The following CHST8 variants were observed in gnomAD, a reference collection of about 807,000 sequenced individuals.
CHST8 encodes GALNAC-4-ST1.
In CHST8, 10 loss-of-function variants were observed where a neutral mutation model predicts 15.0. The observed-to-expected ratio is 0.67, with a 90% CI of 0.41 to 1.13. The LOEUF (loss-of-function observed/expected upper bound fraction) is 1.13. Among genes scored for constraint, CHST8 ranks in the 50% most tolerant of loss-of-function variants. CHST8 has a pLI of 0.00. For missense variants in CHST8, 634 were observed against 608.2 expected, an observed-to-expected ratio of 1.04 and a Z score of -0.45; for synonymous variants, 259 against 256.6, an observed-to-expected ratio of 1.01 and a Z score of -0.09.
chr19:33,692,783 G>A (rs554038485), intron 3 of CHST8, among the ~76,000 whole-genome samples: 1 of 152,036 alleles, frequency 6.6e-6, no homozygotes, highest in African/African-American at 2.4e-5. Context: ...TGAATTTTAC[G>A]AGCTGCTTTC....
chr19:33,626,436 C>A (rs1972054384), intron 1 of CHST8, among the ~76,000 whole-genome samples: 3 of 151,962 alleles, frequency 2.0e-5, no homozygotes, highest in Non-Finnish European at 4.4e-5. Flanking sequence ...AGTATCTGTG[C>A]AATAATTTGG....
rs55789565 is a variant in CHST8 at position 33,639,840 on chromosome 19, ATT to A, written c.-164+17560_-164+17561del. On this transcript the variant is annotated intron_variant, in intron 1 of 4. Transcript: ENST00000650847. ...TAGGGACAATGGAGAAGCAAATCAA[ATT>A]TTTTTTTTTTTTTTTGAGACAGAGT... Among the ~76,000 whole-genome samples, 134 of 138,078 alleles carry A rather than the reference ATT, an allele frequency of 9.7e-4. 1 individual carries two copies. Among genetic ancestry groups the A allele is most frequent in the Admixed American group, 1.9e-3 (27 of 13,988 alleles). The allele number at this position is 138,078 out of a possible 152,430, so 90.6% of individuals were successfully genotyped here.
chr19:33,742,369 G>A (rs1016268622), intron 3 of CHST8, among the ~76,000 whole-genome samples: 2 of 152,158 alleles, frequency 1.3e-5, no homozygotes, highest in African/African-American at 4.8e-5. Context: ...ACCAACATCT[G>A]CTCAGCCTCA....
At chr19:33,765,796 C>T (rs1274127705) in intron 3 of CHST8, among the ~76,000 whole-genome samples, 1 of 151,930 alleles carries the variant, frequency 6.6e-6, no homozygotes, top group East Asian at 1.9e-4. Context: ...CTTGTGGTCT[C>T]GCGATCCACC....
At position 33,772,544 on chromosome 19, in the gene CHST8, C is replaced by CA. The variant is rs1975017442; in HGVS notation, c.758dup (p.Met254AspfsTer20). The CA allele has an allele frequency of 6.2e-7, 1 of 1,614,076 alleles. No individual in the cohort carries two copies. The highest frequency in any genetic ancestry group is 1.6e-4 in the Middle Eastern group (1 of 6,062). ...TCTTGCACCGTCTCAGCACCTACAC[C>CA]AAGATGCTCTTTGTCCGCGAGCCCT... On this transcript the variant is annotated frameshift_variant, in exon 5 of 5. Coordinates refer to ENST00000650847, the MANE Select transcript of CHST8 (RefSeq NM_001127895.2). LOFTEE classifies it high-confidence loss of function.
At chr19:33,690,249 C>T (rs751337230) in intron 3 of CHST8, among the ~76,000 whole-genome samples, 23 of 152,160 alleles carry the variant, frequency 1.5e-4, no homozygotes, top group Non-Finnish European at 3.1e-4. Context: ...CCAGAGACAC[C>T]GCTCCTCTGC....
intron 2 of CHST8, among the ~76,000 whole-genome samples, chr19:33,682,196 T>G (rs1016334348): frequency 2.1e-5 from 3 of 145,056 alleles, no homozygotes; most frequent in Non-Finnish European, 3.0e-5. Context: ...TGTTTTTTTT[T>G]TTTTTTTTTT....
intron 3 of CHST8, among the ~76,000 whole-genome samples, chr19:33,693,797 G>A (rs1448187802): frequency 6.6e-6 from 1 of 151,870 alleles, no homozygotes; most frequent in Non-Finnish European, 1.5e-5. Context: ...GGAATTCATG[G>A]GTGGTTCTGT....
chr19:33,679,307 G>A (rs1972854232), intron 2 of CHST8, among the ~76,000 whole-genome samples: 1 of 152,242 alleles, frequency 6.6e-6, no homozygotes, highest in Admixed American at 6.5e-5. Flanking sequence ...AGAACTGAAA[G>A]GAAGCTGGCC....
chr19:33,666,229 G>C (rs1241112392), intron 1 of CHST8, among the ~76,000 whole-genome samples: 1 of 152,222 alleles, frequency 6.6e-6, no homozygotes, highest in Non-Finnish European at 1.5e-5. Flanking sequence ...GTACACATAG[G>C]GAAGATGGGC....
Position 33,757,385 on chromosome 19 carries a change from AAG to A in CHST8, c.131-14026_131-14025del, listed in dbSNP as rs202244552. Among the ~76,000 whole-genome samples, 488 of 102,574 alleles carry A rather than the reference AAG, an allele frequency of 4.8e-3. 17 individuals carry two copies. The highest frequency in any genetic ancestry group is 0.015 in the African/African-American group (425 of 28,060). The allele number at this position is 102,574 out of a possible 152,430, so 67.3% of individuals were successfully genotyped here. A position where few individuals can be genotyped will look rare whatever the true frequency, so the allele number is the denominator to read the frequency against. On this transcript the variant is annotated intron_variant, in intron 3 of 4. Transcript: ENST00000650847. Reference sequence around the variant, plus strand: ...ACAGAGTGAGACGCGGTCTCAAAAAAAGAAGAAAGAAAGAAAGAAAGAAAGAA... The same window carrying A: ...ACAGAGTGAGACGCGGTCTCAAAAAAAAGAAAGAAAGAAAGAAAGAAAGAA...
In CHST8 at chr19:33,689,301, T is replaced by C. The variant is rs1241376474; in HGVS notation, c.40T>C (p.Phe14Leu). ...RPGTMRLACMFSSILLFGAAG... is the reference protein window; with the variant it reads ...RPGTMRLACMLSSILLFGAAG... ...TGGAACAATGCGGCTGGCCTGCATG[T>C]TCTCTTCCATCCTGCTGTTCGGAGC... The change falls in exon 3 of 5, where the codon TTC (phenylalanine) becomes CTC (leucine). Residue 14 changes from phenylalanine to leucine, a missense_variant. Transcript: ENST00000650847. 6.2e-7 allele frequency: 1 copy of C among 1,609,076 alleles called. No individual in the cohort carries two copies. Among genetic ancestry groups the C allele is most frequent in the East Asian group, 2.3e-5 (1 of 44,428 alleles).
chr19:33,692,996 TTTTC>T (rs1313877221), intron 3 of CHST8, among the ~76,000 whole-genome samples: 4 of 151,180 alleles, frequency 2.6e-5, no homozygotes, highest in African/African-American at 4.9e-5. Flanking sequence ...ACTATTTCTT[TTTTC>T]TTTCTTTCTT....
rs569042565 is a variant in CHST8, at chr19:33,740,117, G to A, written c.131-31296G>A. ...TTTTCCTGGAATTTGATGCAAATAC[G>A]AGGCTATGCTAAAGCCATTCAGCAA... On this transcript the variant is annotated intron_variant, in intron 3 of 4. Coordinates refer to ENST00000650847, the MANE Select transcript of CHST8 (RefSeq NM_001127895.2). 2.3e-3 allele frequency among the ~76,000 whole-genome samples: 348 copies of A among 152,202 alleles called. 5 individuals are homozygous for A. The Middle Eastern group carries it at 0.027, about 12-fold the overall frequency.
intron 3 of CHST8, among the ~76,000 whole-genome samples, chr19:33,763,987 G>C (rs1040594119): frequency 1.3e-5 from 2 of 152,212 alleles, no homozygotes; most frequent in Non-Finnish European, 2.9e-5. Flanking sequence ...CCAGGGCTGG[G>C]GGTGGACAGA....
At chr19:33,757,560 G>T (rs1974621296) in intron 3 of CHST8, among the ~76,000 whole-genome samples, 2 of 128,616 alleles carry the variant, frequency 1.6e-5, no homozygotes, top group African/African-American at 5.8e-5. Flanking sequence ...AAGAAAGAAA[G>T]AAAGAAAGAA....
intron 1 of CHST8, among the ~76,000 whole-genome samples, chr19:33,626,712 A>AAATGCAGG (rs1568306639): frequency 4.0e-4 from 60 of 151,240 alleles, no homozygotes; most frequent in African/African-American, 1.4e-3. Context: ...CCCTCACCAG[A>AAATGCAGG]TGCAAATGCA....
intron 1 of CHST8, among the ~76,000 whole-genome samples, chr19:33,629,868 G>A (rs1251232536): frequency 6.6e-6 from 1 of 152,230 alleles, no homozygotes; most frequent in Non-Finnish European, 1.5e-5. Flanking sequence ...CTCTCCAGAT[G>A]AGCCTTCCTG....
chr19:33,725,721 C>A (rs185124910), intron 3 of CHST8, among the ~76,000 whole-genome samples: 1 of 152,352 alleles, frequency 6.6e-6, no homozygotes, highest in East Asian at 1.9e-4. Flanking sequence ...TAGGGGCTGC[C>A]AGGGTGAGCC....
Sources: allele counts gnomAD v4.1 joint callset (sites outside exome capture counted in the v4.1 genomes callset), GRCh38; gene constraint gnomAD v4.1.1; transcripts MANE v1.5; gene names NCBI Gene and HGNC (gene_info 2026-07-23, HGNC 2026-07-21).